NAALADL2: variants seen among roughly 807,000 people sequenced by gnomAD.
NAALADL2 encodes inactive N-acetylated-alpha-linked acidic dipeptidase-like protein 2.
In NAALADL2, 76 loss-of-function variants were observed where a neutral mutation model predicts 87.2. The observed-to-expected ratio is 0.87, with a 90% CI of 0.72 to 1.05. NAALADL2 has a LOEUF of 1.05. Among genes scored for constraint, NAALADL2 ranks in the 50% least tolerant of loss-of-function variants. The pLI is 0.00. For synonymous variants in NAALADL2, 354 were observed against 331.0 expected, an observed-to-expected ratio of 1.07 and a Z score of -0.75; for missense variants, 1,089 against 945.8, an observed-to-expected ratio of 1.15 and a Z score of -1.99.
intron 5 of NAALADL2, among the ~76,000 whole-genome samples, chr3:175,386,246 GC>G (rs541774785): frequency 4.6e-5 from 7 of 151,272 alleles, no homozygotes; most frequent in Admixed American, 3.3e-4. Context: ...TATTCTGTAG[GC>G]CCCCCTCCCA....
chr3:175,084,173 G>A (rs545303645), intron 1 of NAALADL2, among the ~76,000 whole-genome samples: 2 of 152,272 alleles, frequency 1.3e-5, no homozygotes, highest in Admixed American at 6.5e-5. Context: ...GTGGTGGTCT[G>A]GTTATTTATT....
chr3:175,382,590 G>T (rs200889402), intron 5 of NAALADL2, among the ~76,000 whole-genome samples: 1 of 45,862 alleles, frequency 2.2e-5, no homozygotes, highest in Non-Finnish European at 5.0e-5. Context: ...CTGATAGATT[G>T]TCGGATCATA....
At chr3:174,475,729 C>T (rs900846614) in intron 1 of NAALADL2, among the ~76,000 whole-genome samples, 8 of 152,030 alleles carry the variant, frequency 5.3e-5, no homozygotes, top group Non-Finnish European at 1.0e-4. Flanking sequence ...AACACGACTT[C>T]TTCCTTTGTC....
At chr3:175,128,010 AT>A (rs1485599553) in intron 2 of NAALADL2, among the ~76,000 whole-genome samples, 1 of 152,170 alleles carries the variant, frequency 6.6e-6, no homozygotes, top group Non-Finnish European at 1.5e-5. Context: ...TGCTCAGTAT[AT>A]TTGCATTTAT....
chr3:174,551,692 G>C (rs1255483445), intron 2 of NAALADL2, among the ~76,000 whole-genome samples: 1 of 152,166 alleles, frequency 6.6e-6, no homozygotes, highest in African/African-American at 2.4e-5. Flanking sequence ...TCCTAATAAG[G>C]TAGTTTGCCA....
intron 5 of NAALADL2, among the ~76,000 whole-genome samples, chr3:175,351,393 A>G (rs1384728786): frequency 1.3e-5 from 2 of 152,108 alleles, no homozygotes; most frequent in Non-Finnish European, 2.9e-5. Flanking sequence ...TATATGATAT[A>G]TATACATATA....
intron 3 of NAALADL2, among the ~76,000 whole-genome samples, chr3:174,780,243 A>C (rs1407544471): frequency 6.6e-6 from 1 of 152,090 alleles, no homozygotes; most frequent in African/African-American, 2.4e-5. Flanking sequence ...TCTTTGTAGC[A>C]ATTGTAAATG....
intron 1 of NAALADL2, among the ~76,000 whole-genome samples, chr3:174,948,905 C>T (rs1320369830): frequency 6.6e-6 from 1 of 152,164 alleles, no homozygotes; most frequent in Non-Finnish European, 1.5e-5. Context: ...AATTTTATTT[C>T]TCCCAATTCT....
At chr3:175,459,706 C>T (rs992825813) in intron 6 of NAALADL2, among the ~76,000 whole-genome samples, 6 of 152,104 alleles carry the variant, frequency 3.9e-5, no homozygotes, top group East Asian at 1.9e-4. Context: ...TTAATTCCAC[C>T]ATCCCTGGGG....
At chr3:174,822,059 AAGCATAG>A (rs1721482366) in intron 3 of NAALADL2, among the ~76,000 whole-genome samples, 1 of 152,196 alleles carries the variant, frequency 6.6e-6, no homozygotes, top group Non-Finnish European at 1.5e-5. Flanking sequence ...CATGTTCCTG[AAGCATAG>A]GGATATCAAA....
chr3:175,391,301 C>A (rs1328631870), intron 5 of NAALADL2, among the ~76,000 whole-genome samples: 1 of 152,152 alleles, frequency 6.6e-6, no homozygotes, highest in Non-Finnish European at 1.5e-5. Context: ...TGATTGTGGG[C>A]TGGACTGGAG....
chr3:175,076,678 A>G (rs1253179734), intron 1 of NAALADL2, among the ~76,000 whole-genome samples: 1 of 152,140 alleles, frequency 6.6e-6, no homozygotes, highest in African/African-American at 2.4e-5. Context: ...ATCTAAATGT[A>G]ATGATAATTC....
chr3:175,265,791 A>G (rs1751829513), intron 4 of NAALADL2, among the ~76,000 whole-genome samples: 1 of 151,570 alleles, frequency 6.6e-6, no homozygotes, highest in Non-Finnish European at 1.5e-5. Context: ...TAAGCTATAA[A>G]AACTTAAATC....
chr3:175,040,951 C>T (rs772155979), intron 1 of NAALADL2, among the ~76,000 whole-genome samples: 3 of 152,128 alleles, frequency 2.0e-5, no homozygotes, highest in African/African-American at 4.8e-5. Flanking sequence ...GCTTGCATGC[C>T]ACTGCATATT....
At chr3:174,800,406 A>G (rs971840493) in intron 3 of NAALADL2, among the ~76,000 whole-genome samples, 30 of 152,298 alleles carry the variant, frequency 2.0e-4, no homozygotes, top group African/African-American at 6.7e-4. Context: ...GGCAGCTTCC[A>G]TGTGGTGTTG....
chr3:175,718,991 G>A (rs541069747), intron 11 of NAALADL2, among the ~76,000 whole-genome samples: 1 of 152,236 alleles, frequency 6.6e-6, no homozygotes, highest in East Asian at 1.9e-4. Context: ...CGGTATGATT[G>A]CCATTATCTC....
intron 4 of NAALADL2, chr3:175,271,092 C>A (rs1478826908): frequency 1.3e-5 from 2 of 152,060 alleles, no homozygotes; most frequent in African/African-American, 4.8e-5. Flanking sequence ...GGAATTTCAC[C>A]AAGTTTCACA....
At chr3:174,837,837 A>G (rs914138805) in intron 3 of NAALADL2, among the ~76,000 whole-genome samples, 4 of 151,790 alleles carry the variant, frequency 2.6e-5, no homozygotes, top group African/African-American at 9.7e-5. Context: ...AAAAATTACC[A>G]ACACAAAGAA....
At chr3:174,798,941 G>C (rs188154658) in intron 3 of NAALADL2, among the ~76,000 whole-genome samples, 2 of 151,962 alleles carry the variant, frequency 1.3e-5, no homozygotes, top group Admixed American at 1.3e-4. Context: ...AGGCTGAGGC[G>C]GGTGGATCAC....
Sources: allele counts gnomAD v4.1 joint callset (sites outside exome capture counted in the v4.1 genomes callset), GRCh38; gene constraint gnomAD v4.1.1; transcripts MANE v1.5; gene names NCBI Gene and HGNC (gene_info 2026-07-23, HGNC 2026-07-21).